MTMR12: variants seen among roughly 807,000 people sequenced by gnomAD.
MTMR12 encodes the protein myotubularin-related protein 12.
A neutral mutation model predicts 96.7 loss-of-function variants in MTMR12; 33 were observed. The observed-to-expected ratio is 0.34, with a 90% confidence interval of 0.26 to 0.46. The LOEUF is 0.46. Ranked by LOEUF, MTMR12 falls within the 20% of genes least tolerant of loss-of-function variation. MTMR12 has a pLI of 1.00. For missense variants in MTMR12, 721 were observed against 896.1 expected (o/e 0.80, Z 2.49); for synonymous variants, 298 against 327.2 (o/e 0.91, Z 0.96).
At position 32,312,131 on chromosome 5, in the gene MTMR12, TAAG is replaced by T. The variant is rs1359971746; in HGVS notation, c.81+624_81+626del. 6.6e-6 allele frequency among the ~76,000 whole-genome samples: 1 copy of T among 151,646 alleles called. No homozygotes were observed. The highest frequency in any genetic ancestry group is 2.4e-5 in the African/African-American group (1 of 41,252). On this transcript the variant is annotated intron_variant, in intron 1 of 15. Coordinates refer to ENST00000382142, the MANE Select transcript of MTMR12 (RefSeq NM_001040446.3). The surrounding 1 kb of genome is among the most constrained non-coding windows in gnomAD (Gnocchi z 5.0). ...TTCTTGACCTGAAGATTCAGAAGAGTAAGAAGTGGGTGGAAAGGATGATGGTGA... is the reference window on the plus strand; with the variant it reads ...TTCTTGACCTGAAGATTCAGAAGAGTAAGTGGGTGGAAAGGATGATGGTGA...
At chr5:32,240,176 G>A (rs1429290206) in intron 12 of MTMR12, among the ~76,000 whole-genome samples, 1 of 152,104 alleles carries the variant, frequency 6.6e-6, no homozygotes, top group African/African-American at 2.4e-5. Context: ...CGAGGCGGGT[G>A]GATCACGATG....
chr5:32,268,443 A>C (rs1749693135), intron 6 of MTMR12, among the ~76,000 whole-genome samples: 1 of 151,904 alleles, frequency 6.6e-6, no homozygotes, highest in Admixed American at 6.6e-5. Flanking sequence ...GGGAGGCGGA[A>C]ATTGCAGTGG....
intron 1 of MTMR12, among the ~76,000 whole-genome samples, chr5:32,305,758 CAG>C (rs1167194546): frequency 6.6e-6 from 1 of 152,092 alleles, no homozygotes; most frequent in East Asian, 1.9e-4. Flanking sequence ...ACAAAATTAG[CAG>C]AGTGTAGTGG....
chr5:32,266,611 C>G (rs1008491647), intron 6 of MTMR12, among the ~76,000 whole-genome samples: 1 of 151,540 alleles, frequency 6.6e-6, no homozygotes, highest in African/African-American at 2.4e-5. Flanking sequence ...TCACTTAAAC[C>G]CAGGAGGTGG....
At chr5:32,263,598 T>C (rs1364719896) in intron 6 of MTMR12, among the ~76,000 whole-genome samples, 1 of 152,046 alleles carries the variant, frequency 6.6e-6, no homozygotes, top group East Asian at 1.9e-4. Flanking sequence ...CCACCACATA[T>C]GGCTAATTTT....
intron 1 of MTMR12, among the ~76,000 whole-genome samples, chr5:32,284,544 G>A (rs1170345184): frequency 1.3e-5 from 2 of 152,162 alleles, no homozygotes; most frequent in Non-Finnish European, 2.9e-5. Flanking sequence ...AGCATCCAGT[G>A]AGAGCTGCCT....
intron 2 of MTMR12, among the ~76,000 whole-genome samples, chr5:32,274,619 G>C (rs1263507290): frequency 6.6e-6 from 1 of 152,128 alleles, no homozygotes; most frequent in Non-Finnish European, 1.5e-5. Context: ...TGCCTCCCTG[G>C]CCATGGGACT....
intron 1 of MTMR12, among the ~76,000 whole-genome samples, chr5:32,277,407 T>C (rs1750097014): frequency 6.6e-6 from 1 of 151,946 alleles, no homozygotes; most frequent in Non-Finnish European, 1.5e-5. Context: ...GAATCTGAAA[T>C]AAAAGAGATG....
Position 32,233,634 on chromosome 5 carries a change from T to G in MTMR12, c.1674+139A>C. 8.2e-7 allele frequency: 1 copy of G among 1,215,634 alleles called. No individual in the cohort carries two copies. The allele number at this position is 1,215,634 out of a possible 1,614,324, so 75.3% of individuals were successfully genotyped here. ...AAGGATTCTAATGGCCCTTGACAATTTGACCATCACAAGTCTCAACTCTGC... is the reference window on the plus strand; with the variant it reads ...AAGGATTCTAATGGCCCTTGACAATGTGACCATCACAAGTCTCAACTCTGC... On this transcript the variant is annotated intron_variant, in intron 15 of 15. Transcript: ENST00000382142. The surrounding 1 kb of genome is among the most constrained non-coding windows in gnomAD (Gnocchi z 5.0).
At position 32,233,993 on chromosome 5, in the gene MTMR12, A is replaced by G; in HGVS notation, c.1513-59T>C. The G allele has an allele frequency of 1.9e-6, 3 of 1,598,086 alleles. No homozygotes were observed. The highest frequency in any genetic ancestry group is 1.3e-5 in the African/African-American group (1 of 74,642). On this transcript the variant is annotated intron_variant, in intron 14 of 15. Transcript: ENST00000382142. This position sits in a 1 kb window ranked among gnomAD's most constrained non-coding sequence, Gnocchi z 5.0. ...AGGGAGGGCTGAGGAAGGCAAACAC[A>G]TACTTCTGGACACAGGCACCAGGAA...
intron 15 of MTMR12, among the ~76,000 whole-genome samples, chr5:32,232,188 T>C (rs954061955): frequency 3.3e-5 from 5 of 152,222 alleles, no homozygotes; most frequent in Non-Finnish European, 1.5e-5. Context: ...GTGTGGCATT[T>C]GCACGGCAGC....
chr5:32,275,939 A>G (rs901899786), intron 2 of MTMR12, among the ~76,000 whole-genome samples: 5 of 152,240 alleles, frequency 3.3e-5, no homozygotes, highest in Non-Finnish European at 7.3e-5. Flanking sequence ...ATAAAATAAA[A>G]AGCAACAGAA....
At chr5:32,240,506 C>T (rs1269937050) in intron 12 of MTMR12, among the ~76,000 whole-genome samples, 1 of 152,124 alleles carries the variant, frequency 6.6e-6, no homozygotes, top group East Asian at 1.9e-4. Flanking sequence ...TCCAAGCTTA[C>T]ACTTCTCCCT....
intron 1 of MTMR12, among the ~76,000 whole-genome samples, chr5:32,297,220 A>T (rs1343753891): frequency 1.3e-5 from 2 of 152,200 alleles, no homozygotes; most frequent in African/African-American, 4.8e-5. Flanking sequence ...TTGTACAATC[A>T]TCACCACAAT....
In MTMR12 at chr5:32,227,696, A is replaced by G. The variant is rs1747785354; in HGVS notation, c.*2082T>C. The stretch of plus-strand genomic sequence containing the variant: ...GGCAATGGGGCAGAGAAGGAAGTGG[A>G]GGTTAGTGCTAATTTAAGAAGGCCT... On this transcript the variant is annotated 3_prime_UTR_variant, in exon 16 of 16. Coordinates refer to ENST00000382142, the MANE Select transcript of MTMR12 (RefSeq NM_001040446.3). The G allele has an allele frequency of 6.6e-6, 1 of 152,670 alleles. No homozygotes were observed. Among genetic ancestry groups the G allele is most frequent in the Non-Finnish European group, 1.5e-5 (1 of 68,036 alleles). 9.5% of individuals were successfully genotyped at this position (152,670 alleles called of 1,614,324 possible). A position where few individuals can be genotyped will look rare whatever the true frequency, so the allele number is the denominator to read the frequency against.
At chr5:32,304,216 A>G (rs1751267777) in intron 1 of MTMR12, among the ~76,000 whole-genome samples, 1 of 151,992 alleles carries the variant, frequency 6.6e-6, no homozygotes, top group African/African-American at 2.4e-5. Flanking sequence ...GCTACTCGGG[A>G]GGCTGAGGCA....
At chr5:32,250,173 A>C (rs1748860399) in intron 8 of MTMR12, among the ~76,000 whole-genome samples, 1 of 152,180 alleles carries the variant, frequency 6.6e-6, no homozygotes, top group Non-Finnish European at 1.5e-5. Flanking sequence ...TTTCTGGGGA[A>C]GGTGATGGAA....
At chr5:32,296,941 A>G (rs1045166420) in intron 1 of MTMR12, among the ~76,000 whole-genome samples, 6 of 152,026 alleles carry the variant, frequency 3.9e-5, no homozygotes, top group African/African-American at 1.4e-4. Flanking sequence ...TCTCTACTAA[A>G]AAATACAAAA....
At chr5:32,285,530 T>TAA (rs1750506232) in intron 1 of MTMR12, among the ~76,000 whole-genome samples, 1 of 152,146 alleles carries the variant, frequency 6.6e-6, no homozygotes, top group Non-Finnish European at 1.5e-5. Flanking sequence ...TTTATTTTAT[T>TAA]TTTTAAAAAA....
Sources: gnomAD v4.1 joint callset for allele counts (sites outside exome capture counted in the v4.1 genomes callset) on GRCh38, gnomAD v4.1.1 for gene constraint, Gnocchi (gnomAD v3.1) non-coding constraint, MANE v1.5 for transcripts, NCBI Gene and HGNC (gene_info 2026-07-23, HGNC 2026-07-21) for gene names.